Variants in ZNF365 observed in about 807,000 individuals in gnomAD.
ZNF365 encodes the protein zinc finger protein 365, also known as protein ZNF365.
ZNF365 carries 22 observed loss-of-function variants against 35.0 expected under a neutral mutation model. The ratio of observed to expected loss-of-function variants is 0.63; its 90% CI spans 0.45 to 0.90. The LOEUF is 0.90. Ranked by LOEUF, ZNF365 falls within the 40% of genes least tolerant of loss-of-function variation. The probability of loss-of-function intolerance (pLI) is 0.00; values close to 1 mark genes in which losing one functional copy is unlikely to be tolerated. For synonymous variants in ZNF365, 188 were observed against 196.2 expected (o/e 0.96, Z 0.35); for missense variants, 448 against 500.3 (o/e 0.90, Z 1.00).
intron 3 of ZNF365, among the ~76,000 whole-genome samples, chr10:62,431,832 T>A (rs2132456880): frequency 6.6e-6 from 1 of 152,188 alleles, no homozygotes; most frequent in Non-Finnish European, 1.5e-5. Flanking sequence ...TTAAATAGCA[T>A]TTGGGTTTTT....
In ZNF365 at chr10:62,401,398, A is replaced by G; in HGVS notation, c.*1609A>G. The G allele has an allele frequency of 1.0e-6, 1 of 985,558 alleles. No homozygotes were observed. The allele number at this position is 985,558 out of a possible 1,614,324, so 61.1% of individuals were successfully genotyped here. On this transcript the variant is annotated 3_prime_UTR_variant, in exon 5 of 5. Coordinates refer to ENST00000395254, the MANE Select transcript of ZNF365 (RefSeq NM_014951.3). ...AAGCAGTTGCTTAAAATGCCAGTCA[A>G]TTGAAAAGTGTAACTTATCATTATA...
chr10:62,404,127 G>GAA (rs35435989), downstream of ZNF365, among the ~76,000 whole-genome samples: 95,538 of 151,828 alleles, frequency 0.63, 30,624 homozygotes, highest in East Asian at 0.77. Flanking sequence ...TTCCAGGATG[G>GAA]AAGAGTTTTT....
At chr10:62,469,155 G>T (rs1840992343) in intron 4 of ZNF365, among the ~76,000 whole-genome samples, 1 of 152,218 alleles carries the variant, frequency 6.6e-6, no homozygotes, top group Admixed American at 6.5e-5. Context: ...GCCAAAGAAT[G>T]ATAACATCTG....
At chr10:62,419,003 G>T (rs1187817855) in intron 3 of ZNF365, among the ~76,000 whole-genome samples, 1 of 142,778 alleles carries the variant, frequency 7.0e-6, no homozygotes, top group Non-Finnish European at 1.5e-5. Context: ...ATACACGTCT[G>T]AAGAACATTA....
At chr10:62,469,850 A>G (rs1335497165) in intron 4 of ZNF365, among the ~76,000 whole-genome samples, 1 of 152,190 alleles carries the variant, frequency 6.6e-6, no homozygotes, top group Non-Finnish European at 1.5e-5. Context: ...AACTGTCTGA[A>G]ATCATAGAGG....
chr10:62,456,944 T>C (rs188505457), intron 3 of ZNF365, among the ~76,000 whole-genome samples: 8 of 152,196 alleles, frequency 5.3e-5, no homozygotes, highest in African/African-American at 1.7e-4. Flanking sequence ...ATTGGGCTTG[T>C]TGGGGGTTCT....
At chr10:62,388,652 G>A in intron 3 of ZNF365, 76 bp downstream of exon 3, 1 of 1,538,576 alleles carries the variant, frequency 6.5e-7, no homozygotes, top group South Asian at 1.2e-5. Context: ...AGAGAAAAGG[G>A]AGCTGGGTGA....
intron 4 of ZNF365, among the ~76,000 whole-genome samples, chr10:62,461,564 C>G (rs1426501279): frequency 6.6e-6 from 1 of 152,208 alleles, no homozygotes; most frequent in Non-Finnish European, 1.5e-5. Flanking sequence ...GTGTATCCAT[C>G]CCATCCCCCT....
Position 62,471,456 on chromosome 10 carries a change from T to C in ZNF365, c.982-8420T>C, listed in dbSNP as rs147193901. 4.4e-3 allele frequency among the ~76,000 whole-genome samples: 673 copies of C among 152,278 alleles called. 4 individuals carry two copies. The highest frequency in any genetic ancestry group is 0.016 in the African/African-American group (645 of 41,558). On this transcript the variant is annotated intron_variant, in intron 4 of 4. Transcript: ENST00000395255. The stretch of plus-strand genomic sequence containing the variant: ...TTAATTCTTATGAAACGGATCAATC[T>C]ATTGAAAACAAAAACTGAGGGACCT...
At position 62,401,065 on chromosome 10, in the gene ZNF365, T is replaced by A. The variant is rs1041524620; in HGVS notation, c.*1276T>A. 50 of 985,430 alleles carry A rather than the reference T, an allele frequency of 5.1e-5. No individual in the cohort carries two copies. Among genetic ancestry groups the A allele is most frequent in the Non-Finnish European group, 5.5e-5 (46 of 829,942 alleles). The allele number at this position is 985,430 out of a possible 1,614,324, so 61.0% of individuals were successfully genotyped here. A position where few individuals can be genotyped will look rare whatever the true frequency, so the allele number is the denominator to read the frequency against. On this transcript the variant is annotated 3_prime_UTR_variant, in exon 5 of 5. Transcript: ENST00000395254. ...TTAAATTTAGCAATATCATCAGGTC[T>A]CTTGCAGAGTTTACAAGTGCTGACA...
At chr10:62,423,893 T>A (rs964171342) in intron 3 of ZNF365, among the ~76,000 whole-genome samples, 1 of 152,196 alleles carries the variant, frequency 6.6e-6, no homozygotes, top group Non-Finnish European at 1.5e-5. Flanking sequence ...AAATCATTCT[T>A]ATTTTCAAAA....
intron 3 of ZNF365, among the ~76,000 whole-genome samples, chr10:62,419,131 G>A (rs907553741): frequency 3.3e-5 from 5 of 152,008 alleles, no homozygotes; most frequent in South Asian, 2.1e-4. Flanking sequence ...TGTGCATTCC[G>A]CTTTGATACA....
intron 4 of ZNF365, among the ~76,000 whole-genome samples, chr10:62,465,575 C>T (rs1213505496): frequency 1.3e-5 from 2 of 152,020 alleles, no homozygotes; most frequent in African/African-American, 4.8e-5. Flanking sequence ...TCAGCATGCA[C>T]TTTTTGAGCC....
At chr10:62,452,799 G>C (rs1840704492) in intron 3 of ZNF365, among the ~76,000 whole-genome samples, 1 of 152,208 alleles carries the variant, frequency 6.6e-6, no homozygotes, top group South Asian at 2.1e-4. Flanking sequence ...GAAAAGCACT[G>C]GTCATGTTAG....
At chr10:62,422,182 A>G in intron 3 of ZNF365, among the ~76,000 whole-genome samples, 1 of 152,168 alleles carries the variant, frequency 6.6e-6, no homozygotes, top group East Asian at 1.9e-4. Context: ...AACTGCATGC[A>G]TGCCAGAGGT....
At chr10:62,459,818 G>A (rs778758443) in intron 4 of ZNF365, 1 of 1,596,932 alleles carries the variant, frequency 6.3e-7, no homozygotes, top group South Asian at 1.1e-5. Flanking sequence ...CACCTGGGTG[G>A]GTGGGTTGGG....
intron 4 of ZNF365, among the ~76,000 whole-genome samples, chr10:62,467,078 T>G (rs1171118763): frequency 6.6e-6 from 1 of 152,216 alleles, no homozygotes; most frequent in Non-Finnish European, 1.5e-5. Flanking sequence ...TAAAATAACC[T>G]AAGAAATTTG....
At chr10:62,447,648 G>A (rs1840612348) in intron 3 of ZNF365, among the ~76,000 whole-genome samples, 1 of 152,214 alleles carries the variant, frequency 6.6e-6, no homozygotes, top group Non-Finnish European at 1.5e-5. Flanking sequence ...AGAGTCACAT[G>A]CGGTGGCTGC....
At chr10:62,374,974 C>T (rs1564564205) in intron 1 of ZNF365, among the ~76,000 whole-genome samples, 1 of 152,168 alleles carries the variant, frequency 6.6e-6, no homozygotes, top group African/African-American at 2.4e-5. Flanking sequence ...GAAGAGGTTC[C>T]CCTCTCTGGG....
Sources: gnomAD v4.1 joint callset for allele counts (sites outside exome capture counted in the v4.1 genomes callset) on GRCh38, gnomAD v4.1.1 for gene constraint, MANE v1.5 for transcripts, NCBI Gene and HGNC (gene_info 2026-07-23, HGNC 2026-07-21) for gene names.